The following GTF2F2 variants were observed in gnomAD, a reference collection of about 807,000 sequenced individuals.
GTF2F2 encodes ATP-dependent helicase GTF2F2.
GTF2F2 carries 23 observed loss-of-function variants against 42.2 expected under a neutral mutation model. The observed-to-expected ratio is 0.55, with a 90% CI of 0.39 to 0.77. The LOEUF is 0.77. Among genes scored for constraint, GTF2F2 ranks in the 30% least tolerant of loss-of-function variants. The pLI, the probability that GTF2F2 is intolerant of heterozygous loss-of-function variation, is 0.00. For missense variants in GTF2F2, 261 were observed against 287.2 expected (o/e 0.91, Z 0.66); for synonymous variants, 105 against 100.8 (o/e 1.04, Z -0.25).
chr13:45,262,968 C>T (rs1876407113), intron 6 of GTF2F2, among the ~76,000 whole-genome samples: 1 of 152,114 alleles, frequency 6.6e-6, no homozygotes, highest in African/African-American at 2.4e-5. Flanking sequence ...TCAAGTGATC[C>T]TCCCCCCTTG....
chr13:45,206,469 G>T (rs553350591), intron 4 of GTF2F2: 1 of 152,288 alleles, frequency 6.6e-6, no homozygotes, highest in East Asian at 1.9e-4. Flanking sequence ...GTGGAATGAA[G>T]TAATTCTCTC....
chr13:45,162,547 GC>G (rs1054309049), intron 4 of GTF2F2, among the ~76,000 whole-genome samples: 5 of 152,222 alleles, frequency 3.3e-5, no homozygotes, highest in Admixed American at 6.5e-5. Flanking sequence ...AACTGCCTGA[GC>G]CAGGTCTGCT....
intron 4 of GTF2F2, among the ~76,000 whole-genome samples, chr13:45,205,686 A>G (rs2138187464): frequency 6.6e-6 from 1 of 152,078 alleles, no homozygotes; most frequent in African/African-American, 2.4e-5. Flanking sequence ...TGCCTGGCTA[A>G]TTTTTTATAT....
chr13:45,126,245 CTTTTT>C (rs11383296), intron 1 of GTF2F2, among the ~76,000 whole-genome samples: 2 of 100,652 alleles, frequency 2.0e-5, no homozygotes, highest in East Asian at 5.6e-4. Flanking sequence ...GGAAGAACGA[CTTTTT>C]TTTTTTTTTT....
intron 5 of GTF2F2, among the ~76,000 whole-genome samples, chr13:45,228,940 G>A (rs1035118219): frequency 2.0e-5 from 3 of 152,118 alleles, no homozygotes; most frequent in African/African-American, 7.2e-5. Context: ...GAAGTGTTGG[G>A]ATTACAGGCA....
At chr13:45,157,372 T>C (rs1361993335) in intron 4 of GTF2F2, among the ~76,000 whole-genome samples, 1 of 152,224 alleles carries the variant, frequency 6.6e-6, no homozygotes. Flanking sequence ...ATTTTACTTT[T>C]AGTGAAGTGG....
At chr13:45,253,627 CT>C (rs1875967103) in intron 6 of GTF2F2, among the ~76,000 whole-genome samples, 1 of 152,116 alleles carries the variant, frequency 6.6e-6, no homozygotes, top group South Asian at 2.1e-4. Flanking sequence ...GTTGTGCAAC[CT>C]TCTGAGTAGT....
rs1023378636 is a variant in GTF2F2 at position 45,269,888 on chromosome 13, A to G, written c.630+2512A>G. ...CTCTTGTTGCCCAGGCTGGAGTGCAATGGCACAATCTCTGCTCACTGCAAC... is the reference window on the plus strand; with the variant it reads ...CTCTTGTTGCCCAGGCTGGAGTGCAGTGGCACAATCTCTGCTCACTGCAAC... On this transcript the variant is annotated intron_variant, in intron 7 of 7. Transcript: ENST00000340473. Among the ~76,000 whole-genome samples the G allele has an allele frequency of 2.3e-4, 35 of 152,022 alleles. No homozygotes were observed. In the South Asian group the frequency reaches 2.7e-3, roughly 12 times the overall value.
chr13:45,235,848 G>GC (rs917102686), intron 5 of GTF2F2, among the ~76,000 whole-genome samples: 7 of 151,840 alleles, frequency 4.6e-5, no homozygotes, highest in African/African-American at 1.2e-4. Flanking sequence ...CAGGTGATCG[G>GC]CCCCCCTCAG....
intron 4 of GTF2F2, among the ~76,000 whole-genome samples, chr13:45,199,545 GTTA>G (rs979724157): frequency 5.9e-5 from 9 of 151,988 alleles, no homozygotes; most frequent in Admixed American, 5.2e-4. Context: ...TAACCTGTGC[GTTA>G]TTATTTACTG....
chr13:45,190,202 A>G (rs1872567300), intron 4 of GTF2F2, among the ~76,000 whole-genome samples: 1 of 152,220 alleles, frequency 6.6e-6, no homozygotes, highest in South Asian at 2.1e-4. Flanking sequence ...ATGAACAGAC[A>G]CTTCTCAAAA....
At chr13:45,182,528 A>G (rs1034401260) in intron 4 of GTF2F2, among the ~76,000 whole-genome samples, 4 of 152,042 alleles carry the variant, frequency 2.6e-5, no homozygotes, top group African/African-American at 7.3e-5. Context: ...TTCTCTCTCT[A>G]TGTTTATACT....
chr13:45,279,278 A>G (rs1877162107), intron 7 of GTF2F2, among the ~76,000 whole-genome samples: 1 of 152,236 alleles, frequency 6.6e-6, no homozygotes, highest in Admixed American at 6.5e-5. Context: ...AAATAAGATT[A>G]CCAAGTAATT....
intron 5 of GTF2F2, among the ~76,000 whole-genome samples, chr13:45,233,223 G>T (rs1448765759): frequency 6.6e-6 from 1 of 152,108 alleles, no homozygotes; most frequent in African/African-American, 2.4e-5. Flanking sequence ...CTGCATTCTA[G>T]CCTGGGCAGC....
chr13:45,225,783 A>G (rs978055529), intron 5 of GTF2F2, among the ~76,000 whole-genome samples: 4 of 152,136 alleles, frequency 2.6e-5, no homozygotes, highest in African/African-American at 9.7e-5. Flanking sequence ...TCCCAGCTAT[A>G]TCTTGATATT....
chr13:45,128,530 G>GC (rs747775028), intron 1 of GTF2F2, among the ~76,000 whole-genome samples: 61 of 151,168 alleles, frequency 4.0e-4, no homozygotes, highest in Non-Finnish European at 7.8e-4. Context: ...CCAAGATCAT[G>GC]CCATTGCACT....
intron 5 of GTF2F2, chr13:45,220,751 T>A (rs942180343): frequency 1.3e-5 from 2 of 152,160 alleles, no homozygotes; most frequent in African/African-American, 4.8e-5. Context: ...CTTGATCTAG[T>A]AAGAGTCACT....
intron 4 of GTF2F2, among the ~76,000 whole-genome samples, chr13:45,205,270 G>A (rs1416025583): frequency 6.6e-6 from 1 of 152,188 alleles, no homozygotes; most frequent in Non-Finnish European, 1.5e-5. Flanking sequence ...GCACCAAGGT[G>A]GCAGGAGGGA....
chr13:45,208,806 A>G (rs1873520708), intron 5 of GTF2F2, among the ~76,000 whole-genome samples: 1 of 152,244 alleles, frequency 6.6e-6, no homozygotes, highest in East Asian at 1.9e-4. Flanking sequence ...GGGCAAATAA[A>G]AGAATGACAA....
Sources: allele counts gnomAD v4.1 joint callset (sites outside exome capture counted in the v4.1 genomes callset), GRCh38; gene constraint gnomAD v4.1.1; transcripts MANE v1.5; gene names NCBI Gene and HGNC (gene_info 2026-07-23, HGNC 2026-07-21).